IGF1R: variants seen among roughly 807,000 people sequenced by gnomAD.
The protein encoded by IGF1R is insulin-like growth factor 1 receptor.
A neutral mutation model predicts 144.6 loss-of-function variants in IGF1R; 44 were observed. The ratio of observed to expected loss-of-function variants is 0.30; its 90% CI spans 0.24 to 0.39. The LOEUF (loss-of-function observed/expected upper bound fraction) is 0.39, where lower values mean the gene tolerates loss of function less well. Among genes scored for constraint, IGF1R ranks in the 10% least tolerant of loss-of-function variants. IGF1R has a pLI of 1.00. For synonymous variants in IGF1R, 795 were observed against 722.8 expected, an observed-to-expected ratio of 1.10 and a Z score of -1.60; for missense variants, 1,355 against 1,833.7, an observed-to-expected ratio of 0.74 and a Z score of 4.77.
chr15:98,851,011 T>C (rs2011507237), intron 2 of IGF1R, among the ~76,000 whole-genome samples: 1 of 152,310 alleles, frequency 6.6e-6, no homozygotes, highest in Middle Eastern at 3.4e-3. Flanking sequence ...AAACACCATC[T>C]GCAACCTTAA....
intron 1 of IGF1R, among the ~76,000 whole-genome samples, chr15:98,658,973 C>T (rs1339857960): frequency 6.6e-6 from 1 of 152,180 alleles, no homozygotes; most frequent in African/African-American, 2.4e-5. Context: ...AAATCAAATT[C>T]GTACACATGT....
intron 1 of IGF1R, among the ~76,000 whole-genome samples, chr15:98,685,171 C>T (rs2053295114): frequency 1.3e-5 from 2 of 152,030 alleles, no homozygotes; most frequent in African/African-American, 4.8e-5. Context: ...ACTCAAACTC[C>T]TGGACTCAAG....
At chr15:98,938,067 A>G (rs1264655037) in intron 17 of IGF1R, among the ~76,000 whole-genome samples, 1 of 152,244 alleles carries the variant, frequency 6.6e-6, no homozygotes, top group East Asian at 1.9e-4. Context: ...AGTTGTTATA[A>G]TGATTCCAAA....
chr15:98,946,068 G>C (rs1403745906), intron 19 of IGF1R, among the ~76,000 whole-genome samples: 1 of 152,020 alleles, frequency 6.6e-6, no homozygotes, highest in African/African-American at 2.4e-5. Flanking sequence ...GTCCTGGAAG[G>C]ATAAAGTCTT....
intron 2 of IGF1R, among the ~76,000 whole-genome samples, chr15:98,878,174 G>A (rs749548867): frequency 6.6e-6 from 1 of 152,204 alleles, no homozygotes; most frequent in South Asian, 2.1e-4. Context: ...CAGCCAAAAC[G>A]ACAAAGCTGG....
At chr15:98,717,232 G>A (rs2054139407) in intron 2 of IGF1R, among the ~76,000 whole-genome samples, 1 of 152,172 alleles carries the variant, frequency 6.6e-6, no homozygotes, top group South Asian at 2.1e-4. Flanking sequence ...AAAGCTGCCA[G>A]ACCTCACCTT....
chr15:98,660,353 A>G (rs2052572614), intron 1 of IGF1R: 1 of 152,276 alleles, frequency 6.6e-6, no homozygotes, highest in African/African-American at 2.4e-5. Flanking sequence ...GAATGATTGC[A>G]CTGACTTGAG....
In IGF1R at chr15:98,908,936, A is replaced by T. The variant is rs116557949; in HGVS notation, c.1462+37A>T. Reference sequence around the variant, plus strand: ...CATCCAAAACACCGTGGGCCCAACCATCATGATAACAGCAGACCCTCCTCC... The same window carrying T: ...CATCCAAAACACCGTGGGCCCAACCTTCATGATAACAGCAGACCCTCCTCC... On this transcript the variant is annotated intron_variant, in intron 6 of 20. Transcript: ENST00000650285. 1.9e-6 allele frequency: 3 copies of T among 1,576,934 alleles called. No individual in the cohort carries two copies. The African/African-American group carries it at 4.0e-5, about 21-fold the overall frequency.
At chr15:98,956,100 C>T (rs905627646) in intron 20 of IGF1R, among the ~76,000 whole-genome samples, 10 of 152,208 alleles carry the variant, frequency 6.6e-5, no homozygotes, top group Admixed American at 2.0e-4. Flanking sequence ...TGTCAAAGCC[C>T]GGGCCTTTCC....
intron 1 of IGF1R, among the ~76,000 whole-genome samples, chr15:98,650,598 T>G (rs1257998283): frequency 1.3e-5 from 2 of 152,200 alleles, no homozygotes; most frequent in Non-Finnish European, 2.9e-5. Context: ...CCGACACACG[T>G]GCTCGCAGCG....
At chr15:98,688,743 T>C (rs1168911753) in intron 1 of IGF1R, among the ~76,000 whole-genome samples, 1 of 152,080 alleles carries the variant, frequency 6.6e-6, no homozygotes, top group Non-Finnish European at 1.5e-5. Flanking sequence ...AAAGGCCCCA[T>C]AGATGGGGTT....
At chr15:98,940,445 C>T (rs1191968774) in intron 18 of IGF1R, among the ~76,000 whole-genome samples, 1 of 152,204 alleles carries the variant, frequency 6.6e-6, no homozygotes, top group South Asian at 2.1e-4. Flanking sequence ...CTCTTGTTTT[C>T]CAAGCTGGAG....
intron 2 of IGF1R, among the ~76,000 whole-genome samples, chr15:98,721,517 A>C (rs1396013317): frequency 6.6e-6 from 1 of 152,090 alleles, no homozygotes; most frequent in African/African-American, 2.4e-5. Context: ...GAGGAAGGGA[A>C]GGAGGAGGAG....
chr15:98,826,321 A>ATAAGC (rs1032960810), intron 2 of IGF1R, among the ~76,000 whole-genome samples: 1 of 152,256 alleles, frequency 6.6e-6, no homozygotes, highest in African/African-American at 2.4e-5. Context: ...GATAGAATAT[A>ATAAGC]TAAGCTGTAT....
At chr15:98,838,175 A>T (rs1373017454) in intron 2 of IGF1R, among the ~76,000 whole-genome samples, 1 of 152,172 alleles carries the variant, frequency 6.6e-6, no homozygotes, top group Non-Finnish European at 1.5e-5. Flanking sequence ...CATCAGTGGG[A>T]CAAAGTTGAC....
intron 1 of IGF1R, among the ~76,000 whole-genome samples, chr15:98,694,844 G>C (rs1448630443): frequency 1.3e-5 from 2 of 152,178 alleles, no homozygotes; most frequent in Non-Finnish European, 2.9e-5. Flanking sequence ...TGGCTTGCTG[G>C]GGAAAGTTTG....
intron 2 of IGF1R, among the ~76,000 whole-genome samples, chr15:98,731,997 C>T (rs1047554957): frequency 3.9e-5 from 6 of 152,172 alleles, no homozygotes; most frequent in South Asian, 2.1e-4. Flanking sequence ...GGGTGTTGGG[C>T]GTGCAGCATT....
chr15:98,784,954 T>C (rs1235390810), intron 2 of IGF1R, among the ~76,000 whole-genome samples: 1 of 152,190 alleles, frequency 6.6e-6, no homozygotes, highest in Non-Finnish European at 1.5e-5. Flanking sequence ...TGACTGTATT[T>C]ACAACATGTC....
At chr15:98,878,756 G>GC (rs2013211882) in intron 2 of IGF1R, among the ~76,000 whole-genome samples, 1 of 150,908 alleles carries the variant, frequency 6.6e-6, no homozygotes, top group Non-Finnish European at 1.5e-5. Flanking sequence ...ACCTTGGGAG[G>GC]CCAAGTCAGG....
Sources: allele counts gnomAD v4.1 joint callset (sites outside exome capture counted in the v4.1 genomes callset), GRCh38; gene constraint gnomAD v4.1.1; transcripts MANE v1.5; gene names NCBI Gene and HGNC (gene_info 2026-07-23, HGNC 2026-07-21).